The following CTBP1 variants were observed in gnomAD, a reference collection of about 807,000 sequenced individuals.
The protein encoded by CTBP1 is C-terminal binding protein 1, also known as C-terminal-binding protein 1.
In CTBP1, 11 loss-of-function variants were observed where a neutral mutation model predicts 42.1. That is an observed-to-expected ratio of 0.26 (90% CI 0.16 to 0.43). CTBP1 has a LOEUF of 0.43. CTBP1 is among the 20% of genes least tolerant of loss of function. CTBP1 has a pLI of 1.00. For synonymous variants in CTBP1, 324 were observed against 277.1 expected (o/e 1.17, Z -1.68); for missense variants, 399 against 624.3 (o/e 0.64, Z 3.85).
At chr4:1,248,364 G>A (rs1214409458) in intron 1 of CTBP1, among the ~76,000 whole-genome samples, 1 of 151,550 alleles carries the variant, frequency 6.6e-6, no homozygotes, top group Non-Finnish European at 1.5e-5. Context: ...GGTCATACCC[G>A]GCACCCGCGC....
rs369443231 is a variant in CTBP1, at chr4:1,214,337, G to A, written c.860+6C>T. ...AGCAGGGGGGCGGCACTGGCCGTGG[G>A]GGCACCTGAAGGGTTCCGACTCGTG... is the stretch of plus-strand genomic sequence containing the variant. On this transcript the variant is annotated splice_donor_region_variant and intron_variant, in intron 7 of 9. Transcript: ENST00000382952. 7 of 1,545,240 alleles carry A rather than the reference G, an allele frequency of 4.5e-6. No homozygotes were observed. In the African/African-American group the frequency reaches 7.1e-5, roughly 16 times the overall value.
At chr4:1,247,122 A>AGTAAAAGGGAAGATCCTACTC (rs1256169140) in intron 1 of CTBP1, among the ~76,000 whole-genome samples, 1 of 152,202 alleles carries the variant, frequency 6.6e-6, no homozygotes, top group African/African-American at 2.4e-5. Flanking sequence ...ATGACAAGCG[A>AGTAAAAGGGAAGATCCTACTC]GTAAAAGGGA....
intron 1 of CTBP1, chr4:1,245,251 C>A: frequency 1.0e-6 from 1 of 985,468 alleles, no homozygotes; most frequent in Non-Finnish European, 1.2e-6. Flanking sequence ...AGCGCAGGGG[C>A]TGTGATCAAA....
chr4:1,241,476 G>A lies in CTBP1; in HGVS notation c.-145C>T. The A allele has an allele frequency of 6.2e-7, 1 of 1,605,298 alleles. No homozygotes were observed. Among genetic ancestry groups the A allele is most frequent in the Non-Finnish European group, 8.5e-7 (1 of 1,177,150 alleles). ...CTCGAGCCAAAGTGCTCAGGCTTCTGATCCGCGGCAATCACTGAAGCCTGC... is the reference window on the plus strand; with the variant it reads ...CTCGAGCCAAAGTGCTCAGGCTTCTAATCCGCGGCAATCACTGAAGCCTGC... On this transcript the variant is annotated 5_prime_UTR_variant, in exon 2 of 10. Coordinates refer to ENST00000382952, the MANE Select transcript of CTBP1 (RefSeq NM_001012614.2).
At chr4:1,234,472 C>T (rs1731279435) in intron 3 of CTBP1, among the ~76,000 whole-genome samples, 1 of 152,186 alleles carries the variant, frequency 6.6e-6, no homozygotes, top group Admixed American at 6.5e-5. Flanking sequence ...TTTATGTTGT[C>T]CTTTCTCTGC....
In CTBP1 at chr4:1,237,834, G is replaced by C. The variant is rs747372996; in HGVS notation, c.162+349C>G. The C allele has an allele frequency of 4.3e-6, 3 of 695,706 alleles. No individual in the cohort carries two copies. In the South Asian group the frequency reaches 4.5e-5, roughly 10 times the overall value. The allele number at this position is 695,706 out of a possible 1,614,324, so 43.1% of individuals were successfully genotyped here. A position where few individuals can be genotyped will look rare whatever the true frequency, so the allele number is the denominator to read the frequency against. On this transcript the variant is annotated intron_variant, in intron 3 of 9. Coordinates refer to ENST00000382952, the MANE Select transcript of CTBP1 (RefSeq NM_001012614.2). ...CAAAACGAGTGTCCACCTCCTGATG[G>C]GGCTCAGGGAAAACCCCGTGTCCAC...
intron 2 of CTBP1, among the ~76,000 whole-genome samples, chr4:1,239,076 G>A (rs1326390404): frequency 6.6e-6 from 1 of 152,228 alleles, no homozygotes; most frequent in East Asian, 1.9e-4. Flanking sequence ...GAAGAAAAGG[G>A]TTAAAACCTG....
At chr4:1,247,801 G>A (rs1333615678) in intron 1 of CTBP1, among the ~76,000 whole-genome samples, 1 of 151,622 alleles carries the variant, frequency 6.6e-6, no homozygotes, top group East Asian at 2.0e-4. Flanking sequence ...GGAACACCCT[G>A]CGCACCCGCC....
intron 7 of CTBP1, chr4:1,214,125 GGA>G: frequency 1.8e-6 from 1 of 570,694 alleles, no homozygotes; most frequent in Non-Finnish European, 2.9e-6. Flanking sequence ...GAAGGGCTGA[GGA>G]GGTTGAGCAG....
intron 5 of CTBP1, chr4:1,223,636 G>A: frequency 5.1e-6 from 2 of 389,118 alleles, no homozygotes; most frequent in Non-Finnish European, 5.1e-6. Context: ...CTGGGCCAAG[G>A]TGTCCAGGGA....
intron 2 of CTBP1, among the ~76,000 whole-genome samples, chr4:1,239,944 C>T (rs912350297): frequency 2.6e-5 from 4 of 152,246 alleles, no homozygotes; most frequent in South Asian, 4.1e-4. Context: ...TCCCTCTGCA[C>T]GTGGCCTCCC....
chr4:1,226,769 G>A (rs551313316), intron 4 of CTBP1, among the ~76,000 whole-genome samples: 3 of 151,746 alleles, frequency 2.0e-5, no homozygotes, highest in East Asian at 2.0e-4. Flanking sequence ...TTCCTGGGAC[G>A]CCACCACAGA....
upstream of CTBP1, chr4:1,249,743 C>T (rs2108819215): frequency 1.4e-5 from 5 of 359,718 alleles, no homozygotes; most frequent in Middle Eastern, 3.8e-4. Context: ...CTGGAGGGAC[C>T]GCGTCCTGCC....
intron 1 of CTBP1, among the ~76,000 whole-genome samples, chr4:1,247,113 T>C (rs1402905279): frequency 6.6e-6 from 1 of 152,176 alleles, no homozygotes; most frequent in Non-Finnish European, 1.5e-5. Flanking sequence ...CTCAGGTTAA[T>C]GACAAGCGAG....
chr4:1,248,860 A>G (rs944086957), intron 1 of CTBP1, 56 bp downstream of exon 1: 18 of 562,278 alleles, frequency 3.2e-5, no homozygotes, highest in Non-Finnish European at 3.9e-5. Context: ...CCCGCGCGGC[A>G]CCCGCCCCGC....
chr4:1,223,162 CA>C, intron 5 of CTBP1, among the ~76,000 whole-genome samples: 3 of 152,258 alleles, frequency 2.0e-5, no homozygotes, highest in Middle Eastern at 6.8e-3. Flanking sequence ...ACCTCTGCCC[CA>C]ACCTGGGCTT....
intron 5 of CTBP1, among the ~76,000 whole-genome samples, chr4:1,224,411 CTGTGTGAGGCTG>C (rs1368647821): frequency 6.8e-6 from 1 of 148,082 alleles, no homozygotes; most frequent in Non-Finnish European, 1.5e-5. Flanking sequence ...CCCATGTGTG[CTGTGTGAGGCTG>C]TGTGTACTGT....
intron 3 of CTBP1, among the ~76,000 whole-genome samples, chr4:1,230,387 G>A (rs990713166): frequency 5.9e-5 from 9 of 152,194 alleles, no homozygotes; most frequent in Non-Finnish European, 1.0e-4. Context: ...CAAAGCAGCC[G>A]CAGCTAAGAG....
intron 9 of CTBP1, 41 bp from the exon 10 acceptor site, chr4:1,212,464 G>A (rs761678582): frequency 4.0e-5 from 55 of 1,389,376 alleles, no homozygotes; most frequent in Non-Finnish European, 4.7e-5. Context: ...ACCTGTAGGC[G>A]GCCTGGCCAG....
Sources: gnomAD v4.1 joint callset for allele counts (sites outside exome capture counted in the v4.1 genomes callset) on GRCh38, gnomAD v4.1.1 for gene constraint, MANE v1.5 for transcripts, NCBI Gene and HGNC (gene_info 2026-07-23, HGNC 2026-07-21) for gene names.